Variants in DNER observed in about 807,000 individuals in gnomAD.
The protein encoded by DNER is delta and Notch-like epidermal growth factor-related receptor.
DNER carries 33 observed loss-of-function variants against 78.2 expected under a neutral mutation model. The ratio of observed to expected loss-of-function variants is 0.42; its 90% CI spans 0.32 to 0.56. DNER has a LOEUF of 0.56. Ranked by LOEUF, DNER falls within the 20% of genes least tolerant of loss-of-function variation. The pLI is 0.11. For synonymous variants in DNER, 417 were observed against 384.8 expected (o/e 1.08, Z -0.98); for missense variants, 918 against 975.3 (o/e 0.94, Z 0.78).
chr2:229,440,858 C>T (rs1694218968), intron 8 of DNER, among the ~76,000 whole-genome samples: 1 of 152,206 alleles, frequency 6.6e-6, no homozygotes, highest in South Asian at 2.1e-4. Flanking sequence ...AAACGTTTAA[C>T]CCATCCTTTC....
intron 4 of DNER, among the ~76,000 whole-genome samples, chr2:229,574,485 A>T (rs1348366717): frequency 6.6e-6 from 1 of 152,186 alleles, no homozygotes; most frequent in East Asian, 1.9e-4. Flanking sequence ...TGAAAAAAGC[A>T]AATAACCAGA....
chr2:229,696,401 G>T (rs535193728), intron 1 of DNER, among the ~76,000 whole-genome samples: 1 of 152,310 alleles, frequency 6.6e-6, no homozygotes, highest in East Asian at 1.9e-4. Context: ...AAATACCAAA[G>T]ACCTTTCTCA....
chr2:229,373,483 T>G (rs980596077), intron 11 of DNER, among the ~76,000 whole-genome samples: 1 of 152,088 alleles, frequency 6.6e-6, no homozygotes, highest in African/African-American at 2.4e-5. Context: ...GGGAACACGG[T>G]GTTGGTGGAA....
Position 229,511,111 on chromosome 2 carries a change from C to T in DNER, c.1147+1672G>A, listed in dbSNP as rs1388654312. 7.9e-5 allele frequency among the ~76,000 whole-genome samples: 12 copies of T among 152,108 alleles called. No homozygotes were observed. The East Asian group carries it at 2.3e-3, about 29-fold the overall frequency. On this transcript the variant is annotated intron_variant, in intron 6 of 12. Coordinates refer to ENST00000341772, the MANE Select transcript of DNER (RefSeq NM_139072.4). ...TGAATTTCACTTTTATAAATTTCTG[C>T]TTTGCTGACTGTCTTGTTTCTTACA...
intron 8 of DNER, among the ~76,000 whole-genome samples, chr2:229,433,275 C>T (rs1375384580): frequency 4.6e-5 from 7 of 152,146 alleles, no homozygotes; most frequent in East Asian, 3.9e-4. Flanking sequence ...CTCCTAAGCG[C>T]GTTTAACTAA....
At chr2:229,436,277 A>C (rs1559351294) in intron 8 of DNER, among the ~76,000 whole-genome samples, 2 of 152,204 alleles carry the variant, frequency 1.3e-5, no homozygotes, top group Non-Finnish European at 2.9e-5. Context: ...AAAAGACATG[A>C]TCCCCTGCTT....
chr2:229,658,807 C>T (rs1559198588), intron 1 of DNER, among the ~76,000 whole-genome samples: 1 of 152,132 alleles, frequency 6.6e-6, no homozygotes, highest in Non-Finnish European at 1.5e-5. Context: ...TGGCCAATTT[C>T]TAAGGCTGTC....
intron 11 of DNER, among the ~76,000 whole-genome samples, chr2:229,378,543 C>A: frequency 6.6e-6 from 1 of 152,262 alleles, no homozygotes; most frequent in East Asian, 1.9e-4. Context: ...AGGCAGTGAT[C>A]GAGTTAATGG....
intron 1 of DNER, 127 bp downstream of exon 1, chr2:229,714,021 T>C: frequency 1.0e-6 from 1 of 984,064 alleles, no homozygotes; most frequent in Non-Finnish European, 1.3e-6. Flanking sequence ...ACTGGATCCA[T>C]CTTCTTCCCA....
At chr2:229,486,401 G>A (rs1177495392) in intron 6 of DNER, among the ~76,000 whole-genome samples, 2 of 151,784 alleles carry the variant, frequency 1.3e-5, no homozygotes, top group Non-Finnish European at 2.9e-5. Context: ...ACATTCAGCA[G>A]AATTAGAAAA....
intron 1 of DNER, among the ~76,000 whole-genome samples, chr2:229,648,185 CTCTT>C (rs1698753388): frequency 6.6e-6 from 1 of 152,120 alleles, no homozygotes; most frequent in South Asian, 2.1e-4. Flanking sequence ...TTGTCTTTTT[CTCTT>C]TCTGTTTATT....
chr2:229,416,475 T>C, intron 9 of DNER, among the ~76,000 whole-genome samples: 1 of 152,112 alleles, frequency 6.6e-6, no homozygotes. Flanking sequence ...TACTAAGGCA[T>C]GAGGCAGAGA....
chr2:229,705,343 G>A (rs1282724057), intron 1 of DNER, among the ~76,000 whole-genome samples: 1 of 152,190 alleles, frequency 6.6e-6, no homozygotes, highest in African/African-American at 2.4e-5. Context: ...GCAAAAGATA[G>A]CAGACACGTT....
chr2:229,465,152 T>A (rs1034475904), intron 7 of DNER, among the ~76,000 whole-genome samples: 1 of 152,194 alleles, frequency 6.6e-6, no homozygotes, highest in African/African-American at 2.4e-5. Flanking sequence ...GCAGCACTAT[T>A]CACAATAGCA....
intron 9 of DNER, among the ~76,000 whole-genome samples, chr2:229,408,550 G>C (rs1326836981): frequency 6.6e-6 from 1 of 152,024 alleles, no homozygotes; most frequent in Non-Finnish European, 1.5e-5. Flanking sequence ...TATGCATAAA[G>C]CAAATAGTAA....
chr2:229,397,629 T>C (rs992824910), intron 10 of DNER, among the ~76,000 whole-genome samples: 7 of 152,134 alleles, frequency 4.6e-5, no homozygotes, highest in African/African-American at 1.7e-4. Flanking sequence ...TATTCTGGGC[T>C]ATGAAACAAC....
chr2:229,455,470 T>C (rs1160378595), intron 7 of DNER, among the ~76,000 whole-genome samples: 1 of 152,120 alleles, frequency 6.6e-6, no homozygotes, highest in South Asian at 2.1e-4. Flanking sequence ...GAAAGGAAGC[T>C]GGCCTGTCAG....
intron 1 of DNER, among the ~76,000 whole-genome samples, chr2:229,599,770 C>G (rs1487121570): frequency 6.6e-6 from 1 of 152,064 alleles, no homozygotes; most frequent in African/African-American, 2.4e-5. Flanking sequence ...AGATAAATGC[C>G]TCAGCGAAAA....
chr2:229,689,818 GA>G (rs1405536979), intron 1 of DNER, among the ~76,000 whole-genome samples: 1 of 152,082 alleles, frequency 6.6e-6, no homozygotes, highest in Non-Finnish European at 1.5e-5. Context: ...ATTAAGTTTC[GA>G]AAAAGGTGGT....
Sources: gnomAD v4.1 joint callset for allele counts (sites outside exome capture counted in the v4.1 genomes callset) on GRCh38, gnomAD v4.1.1 for gene constraint, MANE v1.5 for transcripts, NCBI Gene and HGNC (gene_info 2026-07-23, HGNC 2026-07-21) for gene names.